AEBP2: variants seen among roughly 807,000 people sequenced by gnomAD.
AEBP2 encodes the protein zinc finger protein AEBP2.
In AEBP2, 10 loss-of-function variants were observed where a neutral mutation model predicts 50.8. That is an observed-to-expected ratio of 0.20 (90% confidence interval 0.12 to 0.33). The LOEUF (loss-of-function observed/expected upper bound fraction) is 0.33, where lower values mean the gene tolerates loss of function less well. Among genes scored for constraint, AEBP2 ranks in the 10% least tolerant of loss-of-function variants. The probability of loss-of-function intolerance (pLI) is 1.00; values close to 1 mark genes in which losing one functional copy is unlikely to be tolerated. For missense variants in AEBP2, 570 were observed against 688.0 expected, an observed-to-expected ratio of 0.83 and a Z score of 1.92; for synonymous variants, 296 against 261.3, an observed-to-expected ratio of 1.13 and a Z score of -1.28.
chr12:19,452,827 T>C (rs749194995), intron 1 of AEBP2, among the ~76,000 whole-genome samples: 1 of 152,192 alleles, frequency 6.6e-6, no homozygotes, highest in African/African-American at 2.4e-5. Flanking sequence ...GTTTTATAGA[T>C]GAAAGGAATA....
chr12:19,457,560 T>G (rs1273608651), intron 1 of AEBP2: 8 of 1,483,090 alleles, frequency 5.4e-6, no homozygotes, highest in South Asian at 2.5e-5. Context: ...GCTACCACAT[T>G]TGTAGTTCAG....
intron 1 of AEBP2, among the ~76,000 whole-genome samples, chr12:19,455,003 AT>A (rs778113628): frequency 1.4e-3 from 199 of 144,902 alleles, no homozygotes; most frequent in Middle Eastern, 3.6e-3. Flanking sequence ...TGGTTCTCAG[AT>A]TTTTTTTTTT....
chr12:19,439,830 AGGAGGAAGAGGAGGC>A lies in AEBP2; in HGVS notation c.137_151del (p.Glu46_Glu50del). The A allele has an allele frequency of 2.7e-6, 4 of 1,501,290 alleles. No homozygotes were observed. Among genetic ancestry groups the A allele is most frequent in the South Asian group, 1.2e-5 (1 of 81,528 alleles). 93.0% of individuals were successfully genotyped at this position (1,501,290 alleles called of 1,614,324 possible). On this transcript the variant is annotated inframe_deletion, in exon 1 of 8. Coordinates refer to ENST00000266508, the MANE Select transcript of AEBP2 (RefSeq NM_153207.5). ...CCCGAGGAGGAGGAGGAAGAGGAGG[AGGAGGAAGAGGAGGC>A]GGAGGCCGAGGCGGTGGCGGCGCTG...
intron 7 of AEBP2, 102 bp from the exon 8 acceptor site, chr12:19,517,982 GATC>G (rs1949344854): frequency 8.8e-6 from 9 of 1,019,166 alleles, no homozygotes; most frequent in Non-Finnish European, 1.3e-5. Flanking sequence ...TATAATCTAT[GATC>G]ATCACATTGC....
chr12:19,444,067 CTG>C (rs1353522445), intron 1 of AEBP2, among the ~76,000 whole-genome samples: 4 of 152,050 alleles, frequency 2.6e-5, no homozygotes, highest in Non-Finnish European at 5.9e-5. Context: ...TTTCTTTACT[CTG>C]AACTTTTTTT....
Position 19,521,706 on chromosome 12 carries a change from C to T in AEBP2, c.*3589C>T, listed in dbSNP as rs768974995. 2.0e-5 allele frequency: 3 copies of T among 151,944 alleles called. No individual in the cohort carries two copies. The highest frequency in any genetic ancestry group is 4.4e-5 in the Non-Finnish European group (3 of 67,932). The allele number at this position is 151,944 out of a possible 1,614,324, so 9.4% of individuals were successfully genotyped here. A position where few individuals can be genotyped will look rare whatever the true frequency, so the allele number is the denominator to read the frequency against. Reference sequence around the variant, plus strand: ...CTTTGGCCTTAGTGCTTTTTTCCCCCTTTTACACATTAATAAAATGTTTTA... The same window carrying T: ...CTTTGGCCTTAGTGCTTTTTTCCCCTTTTTACACATTAATAAAATGTTTTA... On this transcript the variant is annotated 3_prime_UTR_variant, in exon 8 of 8. Coordinates refer to ENST00000266508, the MANE Select transcript of AEBP2 (RefSeq NM_153207.5).
intron 1 of AEBP2, among the ~76,000 whole-genome samples, chr12:19,421,013 C>A (rs1044012863): frequency 2.0e-5 from 3 of 152,106 alleles, no homozygotes; most frequent in African/African-American, 7.2e-5. Context: ...TTCTTCATGG[C>A]TGAAGATTTG....
chr12:19,470,442 C>T (rs1464019943), intron 2 of AEBP2, among the ~76,000 whole-genome samples: 1 of 152,194 alleles, frequency 6.6e-6, no homozygotes, highest in Non-Finnish European at 1.5e-5. Flanking sequence ...CAGGCATGAG[C>T]CATTACACCA....
At chr12:19,453,790 TTTC>T (rs1948211278) in intron 1 of AEBP2, among the ~76,000 whole-genome samples, 1 of 151,810 alleles carries the variant, frequency 6.6e-6, no homozygotes, top group Admixed American at 6.6e-5. Flanking sequence ...TAGCATCCAG[TTTC>T]TTTCTTTCTT....
At chr12:19,487,808 G>A (rs992664598) in intron 3 of AEBP2, among the ~76,000 whole-genome samples, 1 of 152,092 alleles carries the variant, frequency 6.6e-6, no homozygotes, top group Admixed American at 6.6e-5. Flanking sequence ...ATATGTAAGC[G>A]ATTATTGTAG....
intron 1 of AEBP2, chr12:19,419,009 G>T: frequency 6.3e-6 from 1 of 158,112 alleles, no homozygotes. Context: ...CCGGCTAGTG[G>T]CTCTTCAGGA....
chr12:19,424,396 C>CTTTTTTTT (rs529252995), intron 1 of AEBP2, among the ~76,000 whole-genome samples: 1 of 151,590 alleles, frequency 6.6e-6, no homozygotes. Flanking sequence ...GCTAAGATGT[C>CTTTTTTTT]TTTTTTTCTT....
intron 1 of AEBP2, chr12:19,413,603 GAA>G (rs199945835): frequency 0.026 from 15,334 of 586,226 alleles, 227 homozygotes; most frequent in East Asian, 0.041. Flanking sequence ...AGAAATAAAA[GAA>G]TGGCTATTCC....
At chr12:19,404,185 A>G (rs1211095560) in exon 1 of AEBP2, 2 of 152,318 alleles carry the variant, frequency 1.3e-5, no homozygotes, top group East Asian at 1.9e-4. Flanking sequence ...CGCCTGAGTT[A>G]GCTGGCCGAC....
chr12:19,516,946 G>A (rs1256264520), intron 7 of AEBP2, among the ~76,000 whole-genome samples: 1 of 152,150 alleles, frequency 6.6e-6, no homozygotes, highest in Non-Finnish European at 1.5e-5. Flanking sequence ...AGAATCACTT[G>A]AACCCAGGAG....
At chr12:19,440,539 C>T (rs7312357) in intron 1 of AEBP2, 169 bp downstream of exon 1, 694,451 of 1,373,102 alleles carry the variant, frequency 0.51, 181,949 homozygotes, top group Non-Finnish European at 0.55. Flanking sequence ...GCGCCCCTCT[C>T]GCAGCGCATC....
At chr12:19,460,009 C>T (rs1023289524) in intron 1 of AEBP2, among the ~76,000 whole-genome samples, 2 of 152,122 alleles carry the variant, frequency 1.3e-5, no homozygotes, top group Non-Finnish European at 2.9e-5. Context: ...ATTGCTTGAG[C>T]CCAGCCTGGA....
At chr12:19,458,238 G>A (rs1276041344) in intron 1 of AEBP2, among the ~76,000 whole-genome samples, 1 of 152,224 alleles carries the variant, frequency 6.6e-6, no homozygotes, top group Admixed American at 6.5e-5. Context: ...GCCTTCATCA[G>A]TCGAGAGAAT....
intron 1 of AEBP2, among the ~76,000 whole-genome samples, chr12:19,441,462 A>G (rs936262403): frequency 6.6e-6 from 1 of 152,208 alleles, no homozygotes; most frequent in African/African-American, 2.4e-5. Flanking sequence ...TTTTTTAAAC[A>G]TGCTCTCCAG....
Sources: gnomAD v4.1 joint callset for allele counts (sites outside exome capture counted in the v4.1 genomes callset) on GRCh38, gnomAD v4.1.1 for gene constraint, MANE v1.5 for transcripts, NCBI Gene and HGNC (gene_info 2026-07-23, HGNC 2026-07-21) for gene names.